XPO6: variants seen among roughly 807,000 people sequenced by gnomAD.
The protein encoded by XPO6 is exportin-6.
XPO6 carries 3 observed loss-of-function variants against 130.0 expected under a neutral mutation model. The observed-to-expected ratio is 0.02, with a 90% CI of 0.01 to 0.06. The LOEUF (loss-of-function observed/expected upper bound fraction) is 0.06, where lower values mean the gene tolerates loss of function less well. Among genes scored for constraint, XPO6 ranks in the 10% least tolerant of loss-of-function variants. The pLI is 1.00. For synonymous variants in XPO6, 524 were observed against 548.9 expected (o/e 0.95, Z 0.63); for missense variants, 970 against 1,393.0 (o/e 0.70, Z 4.83).
At position 28,111,699 on chromosome 16, in the gene XPO6, G is replaced by A. The variant is rs944976887; in HGVS notation, c.2341+118C>T. 1.6e-5 allele frequency: 18 copies of A among 1,141,496 alleles called. No individual in the cohort carries two copies. The African/African-American group carries it at 2.0e-4, about 13-fold the overall frequency. 70.7% of individuals were successfully genotyped at this position (1,141,496 alleles called of 1,614,324 possible). A position where few individuals can be genotyped will look rare whatever the true frequency, so the allele number is the denominator to read the frequency against. On this transcript the variant is annotated intron_variant, in intron 17 of 23. Transcript: ENST00000304658. ...AAGTATGACTTCCTGCTCAGCCTCT[G>A]TGGGACTATGAACAAAAAAAATTTA...
intron 1 of XPO6, among the ~76,000 whole-genome samples, chr16:28,186,374 C>CTTTTTTTTCTTTTT (rs2043693983): frequency 1.2e-5 from 1 of 81,440 alleles, no homozygotes; most frequent in African/African-American, 6.6e-5. Context: ...CCCAGTTATT[C>CTTTTTTTTCTTTTT]TTTTTTTTTT....
At chr16:28,201,897 A>T (rs2043959733) in intron 1 of XPO6, among the ~76,000 whole-genome samples, 1 of 152,232 alleles carries the variant, frequency 6.6e-6, no homozygotes, top group Admixed American at 6.5e-5. Context: ...TGTCATTCTT[A>T]TATTAACAAA....
At chr16:28,186,354 A>G (rs1173088633) in intron 1 of XPO6, among the ~76,000 whole-genome samples, 1 of 70,040 alleles carries the variant, frequency 1.4e-5, no homozygotes, top group Non-Finnish European at 2.8e-5. Context: ...TTAAATATAG[A>G]TTTTTCTGCC....
intron 12 of XPO6, among the ~76,000 whole-genome samples, chr16:28,131,283 C>CCA (rs2042663651): frequency 6.6e-6 from 1 of 152,170 alleles, no homozygotes; most frequent in Non-Finnish European, 1.5e-5. Flanking sequence ...CCGTCACAGA[C>CCA]CACCAAGGAC....
Position 28,117,480 on chromosome 16 carries a change from G to A in XPO6, c.1860-18C>T. The A allele has an allele frequency of 6.2e-7, 1 of 1,608,954 alleles. No homozygotes were observed. Among genetic ancestry groups the A allele is most frequent in the Non-Finnish European group, 8.5e-7 (1 of 1,175,686 alleles). ...GAGCATGCCTGCAGAAAGAAAAGAA[G>A]ATGTGATTTTAAAGGTTAAGGTGAA... On this transcript the variant is annotated intron_variant, in intron 14 of 23. Coordinates refer to ENST00000304658, the MANE Select transcript of XPO6 (RefSeq NM_015171.4).
In XPO6 at chr16:28,106,314, A is replaced by G; in HGVS notation, c.2612+69T>C. The G allele has an allele frequency of 6.2e-7, 1 of 1,607,268 alleles. No homozygotes were observed. Among genetic ancestry groups the G allele is most frequent in the Non-Finnish European group, 8.5e-7 (1 of 1,174,508 alleles). On this transcript the variant is annotated intron_variant, in intron 19 of 23. Transcript: ENST00000304658. The surrounding 1 kb of genome is among the most constrained non-coding windows in gnomAD (Gnocchi z 4.2). ...AAGTGCAGAACAGGAGCAAAAAGCCACACTTTGTCGCCAGACCCACCACTT... is the reference window on the plus strand; with the variant it reads ...AAGTGCAGAACAGGAGCAAAAAGCCGCACTTTGTCGCCAGACCCACCACTT...
intron 9 of XPO6, among the ~76,000 whole-genome samples, chr16:28,144,418 G>C (rs906988525): frequency 3.3e-5 from 5 of 152,184 alleles, no homozygotes; most frequent in African/African-American, 1.2e-4. Context: ...GGTACCAAGA[G>C]ACACAAGGAG....
intron 1 of XPO6, among the ~76,000 whole-genome samples, chr16:28,194,682 A>G (rs899706014): frequency 6.6e-6 from 1 of 152,108 alleles, no homozygotes; most frequent in Non-Finnish European, 1.5e-5. Flanking sequence ...TAACAAGTCT[A>G]GAAAGTTTTT....
At chr16:28,196,310 G>A (rs2043862091) in intron 1 of XPO6, among the ~76,000 whole-genome samples, 1 of 152,118 alleles carries the variant, frequency 6.6e-6, no homozygotes, top group African/African-American at 2.4e-5. Flanking sequence ...TGCATTCGGA[G>A]ATAAGGAAGG....
In XPO6 at chr16:28,132,380, T is replaced by A; in HGVS notation, c.1560A>T (p.Leu520Phe). 1 of 1,607,070 alleles carries A rather than the reference T, an allele frequency of 6.2e-7. No individual in the cohort carries two copies. The highest frequency in any genetic ancestry group is 1.1e-5 in the South Asian group (1 of 89,340). ...ACTGTTGTAATCCCAAATAAACTTCTAAATTGTCCTGAAGAACAGGGAACT... is the reference window on the plus strand; with the variant it reads ...ACTGTTGTAATCCCAAATAAACTTCAAAATTGTCCTGAAGAACAGGGAACT... ...STLFPVLQDN[L>F]EVYLGLQQFI... is the part of the protein sequence containing the mutation. The change falls in exon 12 of 24, where the codon TTA becomes TTT. Residue 520 changes from leucine (L) to phenylalanine (F), a missense_variant. By Grantham distance (22) the Leu-to-Phe change is conservative (BLOSUM62 0). Coordinates refer to ENST00000304658, the MANE Select transcript of XPO6 (RefSeq NM_015171.4). The surrounding 1 kb of genome is among the most constrained non-coding windows in gnomAD (Gnocchi z 4.0).
At chr16:28,139,390 G>C (rs1049617526) in intron 9 of XPO6, among the ~76,000 whole-genome samples, 1 of 152,212 alleles carries the variant, frequency 6.6e-6, no homozygotes, top group Non-Finnish European at 1.5e-5. Flanking sequence ...CCAGCCTGTG[G>C]TATTTTGTTA....
chr16:28,140,571 G>T (rs146774591), intron 9 of XPO6, among the ~76,000 whole-genome samples: 3 of 151,652 alleles, frequency 2.0e-5, no homozygotes, highest in African/African-American at 7.3e-5. Flanking sequence ...CCAGCTACTC[G>T]GGAGGCTGGG....
At chr16:28,172,870 C>G (rs1190491559) in intron 4 of XPO6, among the ~76,000 whole-genome samples, 2 of 152,114 alleles carry the variant, frequency 1.3e-5, no homozygotes. Context: ...CATTATTTAC[C>G]AATACCTGAA....
intron 5 of XPO6, among the ~76,000 whole-genome samples, chr16:28,167,469 C>A (rs767363959): frequency 2.0e-5 from 3 of 152,216 alleles, no homozygotes; most frequent in Non-Finnish European, 2.9e-5. Context: ...GTGTCCCTCT[C>A]AACCTCTGAC....
intron 4 of XPO6, among the ~76,000 whole-genome samples, chr16:28,172,738 G>A (rs1444743077): frequency 5.3e-5 from 8 of 151,586 alleles, no homozygotes; most frequent in Admixed American, 1.3e-4. Context: ...CTGTCACAGC[G>A]TTTAAAAAAA....
chr16:28,142,215 G>A (rs1051481578), intron 9 of XPO6, among the ~76,000 whole-genome samples: 3 of 152,120 alleles, frequency 2.0e-5, no homozygotes, highest in Non-Finnish European at 2.9e-5. Context: ...ACTTCTCTCT[G>A]GTATATTTTA....
chr16:28,101,032 C>T lies in XPO6; in HGVS notation c.3276+426G>A. 3.6e-6 allele frequency: 1 copy of T among 277,044 alleles called. No individual in the cohort carries two copies. Among genetic ancestry groups the T allele is most frequent in the South Asian group, 3.5e-5 (1 of 28,972 alleles). 17.2% of individuals were successfully genotyped at this position (277,044 alleles called of 1,614,324 possible). A position where few individuals can be genotyped will look rare whatever the true frequency, so the allele number is the denominator to read the frequency against. ...CAAGACAGCCGGGGAACCTGGGTCCCACCTCTAACCCTGGGGACCCAGAAG... is the reference window on the plus strand; with the variant it reads ...CAAGACAGCCGGGGAACCTGGGTCCTACCTCTAACCCTGGGGACCCAGAAG... On this transcript the variant is annotated intron_variant, in intron 23 of 23. Transcript: ENST00000304658. This position sits in a 1 kb window ranked among gnomAD's most constrained non-coding sequence, Gnocchi z 5.4.
rs11557749 is a variant in XPO6 at position 28,107,648 on chromosome 16, C to T, written c.2371G>A (p.Val791Ile). The change falls in exon 18 of 24, where the codon GTC becomes ATC. Residue 791 changes from valine to isoleucine, a missense_variant. By Grantham distance (29) the Val-to-Ile change is conservative (BLOSUM62 3). Coordinates refer to ENST00000304658, the MANE Select transcript of XPO6 (RefSeq NM_015171.4). ...TKLIIHQTLS[V>I]LEDIVENISG... The stretch of plus-strand genomic sequence containing the variant: ...ATATTCTCCACAATATCTTCTAAGA[C>T]GCTGAGTGTCTGGTGGATAATCAGT... The T allele has an allele frequency of 3.7e-5, 59 of 1,613,788 alleles. No homozygotes were observed. Among genetic ancestry groups the T allele is most frequent in the East Asian group, 8.9e-5 (4 of 44,870 alleles).
intron 9 of XPO6, 117 bp from the exon 10 acceptor site, chr16:28,135,441 T>A: frequency 2.6e-6 from 2 of 780,286 alleles, no homozygotes; most frequent in Non-Finnish European, 4.1e-6. Flanking sequence ...AAAAAGAGCA[T>A]CGAAATTCCT....
Sources: allele counts gnomAD v4.1 joint callset (sites outside exome capture counted in the v4.1 genomes callset), GRCh38; gene constraint gnomAD v4.1.1; non-coding constraint Gnocchi (gnomAD v3.1); transcripts MANE v1.5; gene names NCBI Gene and HGNC (gene_info 2026-07-23, HGNC 2026-07-21).